Variants in ZNF638 observed in about 807,000 individuals in gnomAD.
ZNF638 encodes the protein CTCL tumor antigen se33-1.
In ZNF638, 46 loss-of-function variants were observed where a neutral mutation model predicts 195.6. The ratio of observed to expected loss-of-function variants is 0.24; its 90% confidence interval spans 0.19 to 0.30. The LOEUF (loss-of-function observed/expected upper bound fraction) is 0.30. Among genes scored for constraint, ZNF638 ranks in the 10% least tolerant of loss-of-function variants. The probability of loss-of-function intolerance (pLI) is 1.00; values close to 1 mark genes in which losing one functional copy is unlikely to be tolerated. For missense variants in ZNF638, 2,440 were observed against 2,325.3 expected (o/e 1.05, Z -1.01); for synonymous variants, 845 against 772.0 (o/e 1.09, Z -1.57).
At chr2:71,390,361 C>A (rs1427425882) in intron 10 of ZNF638, among the ~76,000 whole-genome samples, 4 of 152,146 alleles carry the variant, frequency 2.6e-5, no homozygotes, top group African/African-American at 9.7e-5. Context: ...AAGGAGAAGA[C>A]CCTAAAAGGA....
In ZNF638 at chr2:71,428,588, C is replaced by G; in HGVS notation, c.5587C>G (p.Pro1863Ala). The change falls in exon 25 of 28, where the codon CCA becomes GCA. Residue 1863 changes from proline to alanine, a missense_variant. Physicochemically the swap from Pro to Ala is conservative, Grantham distance 27. Coordinates refer to ENST00000264447, the MANE Select transcript of ZNF638 (RefSeq NM_014497.5). ...GAGAGTTAGAATTGGGAAAACTCTG[C>G]CATCAGAAAAAGCTGTTGTGACAGA... is the stretch of plus-strand genomic sequence containing the variant. ...TKRVRIGKTL[P>A]SEKAVVTEPA... The G allele has an allele frequency of 6.2e-7, 1 of 1,613,914 alleles. No individual in the cohort carries two copies. Among genetic ancestry groups the G allele is most frequent in the Non-Finnish European group, 8.5e-7 (1 of 1,179,950 alleles).
At chr2:71,375,153 C>T (rs1475273973) in intron 8 of ZNF638, 1 of 152,070 alleles carries the variant, frequency 6.6e-6, no homozygotes, top group Non-Finnish European at 1.5e-5. Context: ...TGCTACATGC[C>T]ATCCATTTAT....
chr2:71,337,857 C>T (rs2078698048), intron 1 of ZNF638, among the ~76,000 whole-genome samples: 1 of 148,080 alleles, frequency 6.8e-6, no homozygotes, highest in South Asian at 2.1e-4. Context: ...CTTCCTTAGT[C>T]TGGAACATTT....
intron 10 of ZNF638, among the ~76,000 whole-genome samples, chr2:71,385,569 C>T (rs112539410): frequency 1.1e-3 from 134 of 124,558 alleles, no homozygotes; most frequent in African/African-American, 3.0e-3. Context: ...CATTCTGTAT[C>T]TTGGCTGGTG....
chr2:71,410,691 A>C (rs1339964599), intron 20 of ZNF638, among the ~76,000 whole-genome samples: 1 of 152,202 alleles, frequency 6.6e-6, no homozygotes, highest in Non-Finnish European at 1.5e-5. Context: ...TGAGATAAAA[A>C]GAGAATGATT....
At chr2:71,389,230 C>T (rs918987610) in intron 10 of ZNF638, among the ~76,000 whole-genome samples, 2 of 152,174 alleles carry the variant, frequency 1.3e-5, no homozygotes, top group African/African-American at 4.8e-5. Context: ...AAGGGATACA[C>T]TACAGCTGTG....
At chr2:71,421,099 C>A (rs1317391556) in intron 21 of ZNF638, among the ~76,000 whole-genome samples, 3 of 152,042 alleles carry the variant, frequency 2.0e-5, no homozygotes, top group Non-Finnish European at 2.9e-5. Flanking sequence ...TTACTTAGCC[C>A]TAAGTTTCTA....
At chr2:71,395,376 T>A in intron 10 of ZNF638, 1 of 700,462 alleles carries the variant, frequency 1.4e-6, no homozygotes, top group East Asian at 2.7e-5. Flanking sequence ...TCAGTCAGGG[T>A]GGTGGGAAAA....
chr2:71,365,469 G>T lies in ZNF638; in HGVS notation c.1758G>T (p.Gly586=). Reference sequence around the variant, plus strand: ...TAGAAGATGTAGTACAACGATCTGGGCATGGGACAGAATTTAATAAACAGA... The same window carrying T: ...TAGAAGATGTAGTACAACGATCTGGTCATGGGACAGAATTTAATAAACAGA... ...KALEDVVQRS[G]HGTEFNKQKH... Residue 586 remains glycine (G), a synonymous_variant, in exon 6 of 28, where the codon GGG becomes GGT. Transcript: ENST00000264447. The T allele has an allele frequency of 6.2e-7, 1 of 1,613,704 alleles. No individual in the cohort carries two copies. The highest frequency in any genetic ancestry group is 8.5e-7 in the Non-Finnish European group (1 of 1,179,806).
chr2:71,359,366 A>G (rs979756420), intron 3 of ZNF638, among the ~76,000 whole-genome samples: 1 of 152,174 alleles, frequency 6.6e-6, no homozygotes, highest in Non-Finnish European at 1.5e-5. Flanking sequence ...TGGAGTTCTG[A>G]TGTCCAAGAA....
chr2:71,431,423 C>A lies in ZNF638; in HGVS notation c.5747C>A (p.Pro1916His). ...SSGKSVASDV[P>H]EELDFLVPKA... ...GGCAAATCAGTGGCGTCTGATGTCC[C>A]TGAGGGTAAAGTTAAAATGACATTT... The change falls in exon 26 of 28, where the codon CCT (proline) becomes CAT (histidine). Residue 1916 changes from proline to histidine, a missense_variant. Pro to His is a moderately conservative substitution (Grantham distance 77). This residue lies in a region of ZNF638 where 1,883 missense variants were observed against 1,739.1 expected (regional missense o/e 1.08). Coordinates refer to ENST00000264447, the MANE Select transcript of ZNF638 (RefSeq NM_014497.5). 6.2e-7 allele frequency: 1 copy of A among 1,612,590 alleles called. No individual in the cohort carries two copies. Among genetic ancestry groups the A allele is most frequent in the Non-Finnish European group, 8.5e-7 (1 of 1,179,414 alleles).
chr2:71,390,459 G>A lies in ZNF638; in HGVS notation c.2378-5682G>A, dbSNP rs536074147. On this transcript the variant is annotated intron_variant, in intron 10 of 27. Coordinates refer to ENST00000264447, the MANE Select transcript of ZNF638 (RefSeq NM_014497.5). ...GCCTATCCAGCAAAGGAATTAATGT[G>A]CTCACCAGGGTAATTGATAGTGATT... 3.9e-5 allele frequency among the ~76,000 whole-genome samples: 6 copies of A among 152,278 alleles called. 1 individual carries two copies. The East Asian group carries it at 9.7e-4, about 25-fold the overall frequency.
intron 24 of ZNF638, among the ~76,000 whole-genome samples, chr2:71,427,984 G>A (rs890226964): frequency 1.3e-5 from 2 of 152,052 alleles, no homozygotes; most frequent in African/African-American, 2.4e-5. Flanking sequence ...TTGAGGCCAG[G>A]AGTGCGACAC....
chr2:71,426,694 G>T lies in ZNF638; in HGVS notation c.4825G>T (p.Asp1609Tyr), dbSNP rs777229557. 1 of 1,614,204 alleles carries T rather than the reference G, an allele frequency of 6.2e-7. No individual in the cohort carries two copies. Among genetic ancestry groups the T allele is most frequent in the Non-Finnish European group, 8.5e-7 (1 of 1,180,040 alleles). Residue 1609 changes from aspartate to tyrosine, a missense_variant, in exon 24 of 28, where the codon GAT (aspartate) becomes TAT (tyrosine). Asp to Tyr is a radical substitution (Grantham distance 160). This residue lies in a region of ZNF638 where 1,883 missense variants were observed against 1,739.1 expected (regional missense o/e 1.08). Coordinates refer to ENST00000264447, the MANE Select transcript of ZNF638 (RefSeq NM_014497.5). ...ATTGGATGAGATTGGGGAAGAGGAA[G>T]ATGCAGCTGCACATCTAGCACAAGC... The part of the protein sequence containing the change: ...VTLDEIGEEE[D>Y]AAAHLAQALV...
At position 71,365,496 on chromosome 2, in the gene ZNF638, G is replaced by C; in HGVS notation, c.1785G>C (p.Lys595Asn). The C allele has an allele frequency of 1.2e-6, 2 of 1,613,956 alleles. No homozygotes were observed. Among genetic ancestry groups the C allele is most frequent in the Non-Finnish European group, 1.7e-6 (2 of 1,179,950 alleles). ...ATGGGACAGAATTTAATAAACAGAA[G>C]CATCTTGAAGCTGCTGATAAGGGAC... ...SGHGTEFNKQ[K>N]HLEAADKGHS... The change falls in exon 6 of 28, where the codon AAG (lysine) becomes AAC (asparagine). Residue 595 changes from lysine (K) to asparagine (N), a missense_variant. Lys to Asn is a moderately conservative substitution (Grantham distance 94). Around this residue, in one of 5 missense-constraint regions of ZNF638, gnomAD observed 1,883 missense variants for 1,739.1 expected, o/e 1.08. Coordinates refer to ENST00000264447, the MANE Select transcript of ZNF638 (RefSeq NM_014497.5).
At chr2:71,372,950 CAG>C (rs966280892) in intron 8 of ZNF638, among the ~76,000 whole-genome samples, 125 of 152,248 alleles carry the variant, frequency 8.2e-4, no homozygotes, top group African/African-American at 2.7e-3. Flanking sequence ...TTTCTAGAAA[CAG>C]AACTTTAGTT....
intron 10 of ZNF638, chr2:71,388,812 C>G (rs1264339463): frequency 4.0e-6 from 3 of 758,990 alleles, no homozygotes; most frequent in African/African-American, 1.7e-5. Flanking sequence ...GTCCGCACAA[C>G]AGAAACAGTA....
At chr2:71,424,601 A>T in intron 22 of ZNF638, 49 bp from the exon 23 acceptor site, 1 of 1,458,156 alleles carries the variant, frequency 6.9e-7, no homozygotes, top group Non-Finnish European at 9.4e-7. Context: ...GAACATTAAT[A>T]ATATGGTTGT....
rs528738889 is a variant in ZNF638 at position 71,365,351 on chromosome 2, C to T, written c.1718-78C>T. On this transcript the variant is annotated intron_variant, in intron 5 of 27. Transcript: ENST00000264447. ...TGCTCCCTGTTTAGCTTGAGAATAGCACTATGTGATTATGTCATGAGATGG... is the reference window on the plus strand; with the variant it reads ...TGCTCCCTGTTTAGCTTGAGAATAGTACTATGTGATTATGTCATGAGATGG... 9 of 1,177,534 alleles carry T rather than the reference C, an allele frequency of 7.6e-6. No individual in the cohort carries two copies. The East Asian group carries it at 1.8e-4, about 24-fold the overall frequency. The allele number at this position is 1,177,534 out of a possible 1,614,324, so 72.9% of individuals were successfully genotyped here. A position where few individuals can be genotyped will look rare whatever the true frequency, so the allele number is the denominator to read the frequency against.
Sources: allele counts gnomAD v4.1 joint callset (sites outside exome capture counted in the v4.1 genomes callset), GRCh38; gene constraint gnomAD v4.1.1; regional missense constraint gnomAD v4.1.1; transcripts MANE v1.5; gene names NCBI Gene and HGNC (gene_info 2026-07-23, HGNC 2026-07-21).